The following SPEF2 variants were observed in gnomAD, a reference collection of about 807,000 sequenced individuals.
The protein encoded by SPEF2 is sperm flagella and cilia-associated protein 2.
SPEF2 carries 187 observed loss-of-function variants against 224.6 expected under a neutral mutation model. The observed-to-expected ratio is 0.83, with a 90% CI of 0.74 to 0.94. The LOEUF is 0.94. SPEF2 is among the 40% of genes least tolerant of loss of function. The probability of loss-of-function intolerance (pLI) is 0.00; values close to 1 mark genes in which losing one functional copy is unlikely to be tolerated. For missense variants in SPEF2, 2,170 were observed against 2,135.6 expected, an observed-to-expected ratio of 1.02 and a Z score of -0.32; for synonymous variants, 715 against 707.3, an observed-to-expected ratio of 1.01 and a Z score of -0.17.
intron 23 of SPEF2, among the ~76,000 whole-genome samples, chr5:35,752,721 CA>C (rs1342247259): frequency 1.3e-5 from 2 of 152,216 alleles, no homozygotes; most frequent in African/African-American, 4.8e-5. Flanking sequence ...ATTCTGGCTC[CA>C]CCACTTAATC....
intron 23 of SPEF2, among the ~76,000 whole-genome samples, chr5:35,751,080 C>CGTATAT (rs1749529999): frequency 1.3e-3 from 57 of 43,676 alleles, no homozygotes; most frequent in South Asian, 2.2e-3. Context: ...TATATATATA[C>CGTATAT]ACACACACAC....
chr5:35,713,781 ATATATAGTGT>A (rs1741752852), intron 20 of SPEF2, among the ~76,000 whole-genome samples: 1 of 113,708 alleles, frequency 8.8e-6, no homozygotes, highest in Non-Finnish European at 1.7e-5. Flanking sequence ...TATATATATT[ATATATAGTGT>A]TATATATTTT....
In SPEF2 at chr5:35,808,899, T is replaced by A. The variant is rs946913857; in HGVS notation, c.5379+1646T>A. 4.7e-5 allele frequency among the ~76,000 whole-genome samples: 7 copies of A among 150,094 alleles called. No homozygotes were observed. The East Asian group carries it at 9.8e-4, about 21-fold the overall frequency. ...GGTTTTACATATATATATATATATATAAAACAAGCTAGCAGCTGTTTAGAC... is the reference window on the plus strand; with the variant it reads ...GGTTTTACATATATATATATATATAAAAAACAAGCTAGCAGCTGTTTAGAC... On this transcript the variant is annotated intron_variant, in intron 36 of 36. Transcript: ENST00000356031.
chr5:35,694,401 G>C (rs1754988996), intron 13 of SPEF2, 38 bp downstream of exon 13: 2 of 1,543,840 alleles, frequency 1.3e-6, no homozygotes, highest in Admixed American at 3.4e-5. Context: ...ATTTACATTA[G>C]AGAGAGAAAC....
intron 3 of SPEF2, among the ~76,000 whole-genome samples, chr5:35,643,975 T>C (rs553554947): frequency 6.6e-6 from 1 of 152,194 alleles, no homozygotes; most frequent in South Asian, 2.1e-4. Flanking sequence ...GGCTAAGCAA[T>C]GGGAAGAATC....
intron 31 of SPEF2, among the ~76,000 whole-genome samples, 160 bp from the exon 32 acceptor site, chr5:35,792,999 G>T (rs1421747259): frequency 1.3e-5 from 2 of 152,156 alleles, no homozygotes; most frequent in Non-Finnish European, 2.9e-5. Context: ...TGGTGTGGAT[G>T]GTTGGTAGAA....
Position 35,814,498 on chromosome 5 carries a change from T to C in SPEF2, c.5414T>C (p.Val1805Ala), listed in dbSNP as rs1455970425. Reference sequence around the variant, plus strand: ...ATAATTCTCCAAAGGAGTGAACATGTACAAGGAAGTGATGGAGAGAGATCA... The same window carrying C: ...ATAATTCTCCAAAGGAGTGAACATGCACAAGGAAGTGATGGAGAGAGATCA... ...IKIILQRSEH[V>A]QGSDGERSPS... Residue 1805 changes from valine (V) to alanine (A), a missense_variant, in exon 37 of 37, where the codon GTA (valine) becomes GCA (alanine). Transcript: ENST00000356031. 6.2e-7 allele frequency: 1 copy of C among 1,608,940 alleles called. No homozygotes were observed. Among genetic ancestry groups the C allele is most frequent in the Non-Finnish European group, 8.5e-7 (1 of 1,176,922 alleles).
rs139485872 is a variant in SPEF2, at chr5:35,806,414, A to G, written c.5011-293A>G. Among the ~76,000 whole-genome samples the G allele has an allele frequency of 6.9e-3, 1,045 of 152,368 alleles. 15 individuals carry two copies. Among genetic ancestry groups the G allele is most frequent in the African/African-American group, 0.024 (997 of 41,588 alleles). On this transcript the variant is annotated intron_variant, in intron 34 of 36. Transcript: ENST00000356031. ...TATACATGTGTATATCTATATCTAT[A>G]TACAGGGGTACAAGTACCTGGCAGG...
chr5:35,780,624 C>A (rs1409077303), intron 30 of SPEF2, among the ~76,000 whole-genome samples: 2 of 152,208 alleles, frequency 1.3e-5, no homozygotes, highest in African/African-American at 2.4e-5. Context: ...ATGGTGCGAG[C>A]TCCACAATGC....
At chr5:35,737,785 C>T (rs1489689192) in intron 21 of SPEF2, among the ~76,000 whole-genome samples, 3 of 152,138 alleles carry the variant, frequency 2.0e-5, no homozygotes, top group African/African-American at 2.4e-5. Context: ...TGAAGAATCG[C>T]CACACTGACT....
In SPEF2 at chr5:35,618,030, G is replaced by A. The variant is rs778195084; in HGVS notation, c.33G>A (p.Lys11=). 6.9e-6 allele frequency: 11 copies of A among 1,587,706 alleles called. No individual in the cohort carries two copies. Among genetic ancestry groups the A allele is most frequent in the Non-Finnish European group, 9.4e-6 (11 of 1,164,436 alleles). ...AGATCCTGTGCCAGTGGCTCAACAA[G>A]GAGTTGAAGGTGTCCCGGACCGTGA... MSEILCQWLN[K]ELKVSRTVSP... is the part of the protein sequence containing the mutation. The change falls in exon 1 of 37, where the codon AAG becomes AAA. Residue 11 remains lysine, a synonymous_variant. Transcript: ENST00000356031.
intron 20 of SPEF2, among the ~76,000 whole-genome samples, chr5:35,714,410 T>G (rs1580413011): frequency 6.6e-6 from 1 of 151,968 alleles, no homozygotes; most frequent in East Asian, 1.9e-4. Flanking sequence ...AAAGCCTATT[T>G]ATGAGGGGTG....
chr5:35,719,296 G>A (rs1380101273), intron 20 of SPEF2, among the ~76,000 whole-genome samples: 3 of 152,180 alleles, frequency 2.0e-5, no homozygotes, highest in Admixed American at 2.0e-4. Flanking sequence ...AACGACAAAT[G>A]TGTAAGTTTT....
intron 11 of SPEF2, among the ~76,000 whole-genome samples, chr5:35,691,503 A>C (rs772085393): frequency 2.0e-5 from 3 of 152,240 alleles, no homozygotes; most frequent in Non-Finnish European, 4.4e-5. Context: ...GCCAGACACA[A>C]AAGGTCACAT....
intron 25 of SPEF2, among the ~76,000 whole-genome samples, chr5:35,762,999 A>C (rs547922596): frequency 1.3e-5 from 2 of 152,078 alleles, no homozygotes; most frequent in African/African-American, 2.4e-5. Context: ...TTCAGACCTC[A>C]CATTAGTATT....
At position 35,760,798 on chromosome 5, in the gene SPEF2, C is replaced by G. The variant is rs1485079328; in HGVS notation, c.3620+1079C>G. Among the ~76,000 whole-genome samples the G allele has an allele frequency of 4.6e-5, 7 of 152,084 alleles. No homozygotes were observed. The East Asian group carries it at 1.4e-3, about 29-fold the overall frequency. ...TTAGGAGTGGTGGTGATTCCTGTGG[C>G]ATGGTTTCCAACTATAAAACATTAA... On this transcript the variant is annotated intron_variant, in intron 25 of 36. Transcript: ENST00000356031.
intron 13 of SPEF2, 62 bp downstream of exon 13, chr5:35,694,425 A>G: frequency 5.0e-6 from 7 of 1,395,496 alleles, no homozygotes; most frequent in South Asian, 1.2e-5. Context: ...GAGAGCACAT[A>G]TATGTGAGCA....
At chr5:35,771,108 T>C (rs1242590216) in intron 26 of SPEF2, among the ~76,000 whole-genome samples, 1 of 151,368 alleles carries the variant, frequency 6.6e-6, no homozygotes, top group Non-Finnish European at 1.5e-5. Context: ...ACCCAGAACA[T>C]AAACAAATAT....
At chr5:35,667,355 T>G (rs1052621623) in intron 9 of SPEF2, 96 bp downstream of exon 9, 65 of 1,108,740 alleles carry the variant, frequency 5.9e-5, no homozygotes, top group African/African-American at 1.6e-5. Flanking sequence ...TAAAGAGAGA[T>G]AAAAATGATT....
Sources: gnomAD v4.1 joint callset for allele counts (sites outside exome capture counted in the v4.1 genomes callset) on GRCh38, gnomAD v4.1.1 for gene constraint, MANE v1.5 for transcripts, NCBI Gene and HGNC (gene_info 2026-07-23, HGNC 2026-07-21) for gene names.